Variants in ZFYVE26 observed in about 807,000 individuals in gnomAD.
The protein encoded by ZFYVE26 is zinc finger FYVE-type containing 26.
A neutral mutation model predicts 276.5 loss-of-function variants in ZFYVE26; 181 were observed. The observed-to-expected ratio is 0.65, with a 90% CI of 0.58 to 0.74. The LOEUF (loss-of-function observed/expected upper bound fraction) is 0.74. ZFYVE26 is among the 30% of genes least tolerant of loss of function. The probability of loss-of-function intolerance (pLI) is 0.00; values close to 1 mark genes in which losing one functional copy is unlikely to be tolerated. For missense variants in ZFYVE26, 2,821 were observed against 3,097.9 expected (o/e 0.91, Z 2.12); for synonymous variants, 1,129 against 1,203.1 (o/e 0.94, Z 1.27).
intron 4 of ZFYVE26, among the ~76,000 whole-genome samples, chr14:67,808,619 G>A (rs958185190): frequency 2.6e-5 from 4 of 151,902 alleles, no homozygotes. Flanking sequence ...CCTATAGATG[G>A]TACTCGATGA....
At chr14:67,757,359 C>A (rs551364945) in intron 35 of ZFYVE26, among the ~76,000 whole-genome samples, 1 of 152,226 alleles carries the variant, frequency 6.6e-6, no homozygotes. Flanking sequence ...ACCTTTCTGA[C>A]TTTATCTGAT....
rs2140251727 is a variant in ZFYVE26, at chr14:67,807,281, T to A, written c.886+117A>T. On this transcript the variant is annotated intron_variant, in intron 5 of 41. Transcript: ENST00000347230. ...GAAAGAGCATCGCACCCATTTTTGC[T>A]TAGCCTCCCCTATTAGATGTCCTGA... is the stretch of plus-strand genomic sequence containing the variant. The A allele has an allele frequency of 6.4e-6, 9 of 1,405,498 alleles. No homozygotes were observed. The South Asian group carries it at 9.6e-5, about 15-fold the overall frequency. The allele number at this position is 1,405,498 out of a possible 1,614,324, so 87.1% of individuals were successfully genotyped here.
At chr14:67,750,640 G>C (rs992794744) in intron 41 of ZFYVE26, 7 of 243,666 alleles carry the variant, frequency 2.9e-5, no homozygotes, top group South Asian at 5.4e-5. Context: ...GTGTGGGGTG[G>C]GGATTTTTTT....
rs978907793 is a variant in ZFYVE26 at position 67,775,908 on chromosome 14, C to T, written c.5173G>A (p.Ala1725Thr). ...TATGGAAAGTCCAGGGCTTTCTCTG[C>T]GTATCTGGAAAGCAGTGAGTCCACC... The part of the protein sequence containing the change: ...DEVDSLLSRY[A>T]EKALDFPYPQ... The change falls in exon 26 of 42, where the codon GCA becomes ACA. Residue 1725 changes from alanine (A) to threonine (T), a missense_variant. Transcript: ENST00000347230. The T allele has an allele frequency of 1.1e-5, 17 of 1,614,180 alleles. No individual in the cohort carries two copies. Among genetic ancestry groups the T allele is most frequent in the African/African-American group, 4.0e-5 (3 of 75,042 alleles).
At chr14:67,768,204 G>A (rs1455709323) in intron 30 of ZFYVE26, among the ~76,000 whole-genome samples, 2 of 152,170 alleles carry the variant, frequency 1.3e-5, no homozygotes, top group Non-Finnish European at 2.9e-5. Context: ...GGGTAAGGAG[G>A]GAGCATGGGG....
At chr14:67,792,353 T>G (rs563879340) in intron 14 of ZFYVE26, among the ~76,000 whole-genome samples, 1 of 151,456 alleles carries the variant, frequency 6.6e-6, no homozygotes, top group African/African-American at 2.4e-5. Context: ...TACTATTTTA[T>G]GTTATTAAGT....
At position 67,766,341 on chromosome 14, in the gene ZFYVE26, GTGAGGCCCT is replaced by G. The variant is rs1459638846; in HGVS notation, c.5888_5896del (p.Lys1963_Leu1965del). On this transcript the variant is annotated inframe_deletion, in exon 32 of 42. Coordinates refer to ENST00000347230, the MANE Select transcript of ZFYVE26 (RefSeq NM_015346.4). ...CAGCCCGGCATCCACCTCTGGGTTG[GTGAGGCCCT>G]TGGAGAGCCTGCAGCAGTGCTCAAT... 1 of 1,613,278 alleles carries G rather than the reference GTGAGGCCCT, an allele frequency of 6.2e-7. No homozygotes were observed. Among genetic ancestry groups the G allele is most frequent in the Non-Finnish European group, 8.5e-7 (1 of 1,180,040 alleles).
intron 41 of ZFYVE26, chr14:67,750,849 C>T (rs1167497903): frequency 3.6e-5 from 24 of 670,814 alleles, no homozygotes; most frequent in East Asian, 8.3e-5. Context: ...AAGGCAAAGA[C>T]GCATGCAGTC....
At chr14:67,740,218 T>C (rs2038399932) in intron 13 of ZFYVE26, among the ~76,000 whole-genome samples, 1 of 152,212 alleles carries the variant, frequency 6.6e-6, no homozygotes, top group East Asian at 1.9e-4. Flanking sequence ...GTTGTTATAG[T>C]CATCTAATAA....
At chr14:67,787,318 T>C (rs1002048204) in intron 16 of ZFYVE26, among the ~76,000 whole-genome samples, 11 of 151,474 alleles carry the variant, frequency 7.3e-5, no homozygotes, top group African/African-American at 2.7e-4. Flanking sequence ...ATGGCGCCAC[T>C]GCACTCCAGC....
chr14:67,756,105 G>C lies in ZFYVE26; in HGVS notation c.6629C>G (p.Pro2210Arg), dbSNP rs776852185. The C allele has an allele frequency of 1.9e-5, 31 of 1,614,060 alleles. No homozygotes were observed. The highest frequency in any genetic ancestry group is 1.2e-4 in the South Asian group (11 of 91,092). Reference protein sequence around the residue: ...PEVFIEGIFQPSYKSGKLHTL... With the variant: ...PEVFIEGIFQRSYKSGKLHTL... ...GTGTAGCTTCCCACTTTTATAGCTTGGTTGGAAAATGCCTTCTATAAAAAC... is the reference window on the plus strand; with the variant it reads ...GTGTAGCTTCCCACTTTTATAGCTTCGTTGGAAAATGCCTTCTATAAAAAC... Residue 2210 changes from proline to arginine, a missense_variant, in exon 36 of 42, where the codon CCA becomes CGA. Transcript: ENST00000347230.
At chr14:67,795,628 T>C (rs1353475608) in intron 12 of ZFYVE26, among the ~76,000 whole-genome samples, 1 of 152,138 alleles carries the variant, frequency 6.6e-6, no homozygotes, top group African/African-American at 2.4e-5. Flanking sequence ...TCCTCATGAA[T>C]TCCTTTTAAT....
chr14:67,736,739 C>T (rs2038357476), intron 13 of ZFYVE26, among the ~76,000 whole-genome samples: 2 of 152,158 alleles, frequency 1.3e-5, no homozygotes, highest in South Asian at 4.1e-4. Flanking sequence ...CTTCGAGATA[C>T]AGACATTTGC....
Position 67,761,435 on chromosome 14 carries a change from G to C in ZFYVE26, c.6519C>G (p.Asn2173Lys), listed in dbSNP as rs752402453. The C allele has an allele frequency of 1.2e-6, 2 of 1,614,058 alleles. No individual in the cohort carries two copies. Among genetic ancestry groups the C allele is most frequent in the African/African-American group, 2.7e-5 (2 of 74,934 alleles). Residue 2173 changes from asparagine (N) to lysine (K), a missense_variant, in exon 35 of 42, where the codon AAC becomes AAG. Transcript: ENST00000347230. ...TCACGTAGAAGCTGATGATGGCCAG[G>C]TTGGTGCTATAGTTGTGCAGGTAGA... Reference protein sequence around the residue: ...CLFYLHNYSTNLAIISFYVRH... With the variant: ...CLFYLHNYSTKLAIISFYVRH...
chr14:67,790,857 T>C, intron 14 of ZFYVE26, 84 bp from the exon 15 acceptor site: 1 of 1,285,474 alleles, frequency 7.8e-7, no homozygotes, highest in Non-Finnish European at 1.1e-6. Context: ...TGCCAACCAT[T>C]AGACTGTGGC....
At chr14:67,786,255 G>A (rs1457785430) in intron 16 of ZFYVE26, 22 bp from the exon 17 acceptor site, 4 of 491,896 alleles carry the variant, frequency 8.1e-6, no homozygotes, top group Non-Finnish European at 8.0e-6. Flanking sequence ...TGAAGGAAGA[G>A]GGAATGCAAA....
Position 67,807,678 on chromosome 14 carries a change from C to G in ZFYVE26, c.606G>C (p.Arg202=), listed in dbSNP as rs187303187. The G allele has an allele frequency of 2.4e-4, 386 of 1,614,176 alleles. 2 individuals carry two copies. The East Asian group carries it at 7.7e-3, about 32-fold the overall frequency. The stretch of plus-strand genomic sequence containing the variant: ...GCACCGAATCAGGGCCCTGCAAAGC[C>G]CGCAATGCCTTTCGAATGAGGTCCA... ...ALVDLIRKAL[R]ALQGPDSVPP... Residue 202 remains arginine, a synonymous_variant, in exon 5 of 42, where the codon CGG becomes CGC. Coordinates refer to ENST00000347230, the MANE Select transcript of ZFYVE26 (RefSeq NM_015346.4).
chr14:67,780,393 T>G, intron 22 of ZFYVE26, 48 bp from the exon 23 acceptor site: 1 of 1,528,904 alleles, frequency 6.5e-7, no homozygotes, highest in Non-Finnish European at 8.9e-7. Flanking sequence ...AGCTTCTCCC[T>G]CCATGAACAA....
intron 30 of ZFYVE26, 63 bp from the exon 31 acceptor site, chr14:67,767,903 A>G: frequency 6.2e-7 from 1 of 1,612,408 alleles, no homozygotes; most frequent in Non-Finnish European, 8.5e-7. Flanking sequence ...AACCCAGTCC[A>G]GTGAGCTGGC....
Sources: gnomAD v4.1 joint callset for allele counts (sites outside exome capture counted in the v4.1 genomes callset) on GRCh38, gnomAD v4.1.1 for gene constraint, MANE v1.5 for transcripts, NCBI Gene and HGNC (gene_info 2026-07-23, HGNC 2026-07-21) for gene names.